MYH7B: variants seen among roughly 807,000 people sequenced by gnomAD.
The protein encoded by MYH7B is myosin-7B.
In MYH7B, 205 loss-of-function variants were observed where a neutral mutation model predicts 234.5. The observed-to-expected ratio is 0.87, with a 90% CI of 0.78 to 0.98. The LOEUF (loss-of-function observed/expected upper bound fraction) is 0.98, where lower values mean the gene tolerates loss of function less well. MYH7B is among the 50% of genes least tolerant of loss of function. MYH7B has a pLI of 0.00. For synonymous variants in MYH7B, 1,193 were observed against 1,105.0 expected, an observed-to-expected ratio of 1.08 and a Z score of -1.58; for missense variants, 2,652 against 2,633.4, an observed-to-expected ratio of 1.01 and a Z score of -0.15.
intron 4 of MYH7B, 126 bp downstream of exon 4, chr20:34,977,806 T>A: frequency 6.7e-7 from 1 of 1,490,302 alleles, no homozygotes; most frequent in South Asian, 1.2e-5. Context: ...TGTTTGAGGG[T>A]GTGCATGTAT....
At chr20:34,983,238 TC>T (rs758436589) in intron 10 of MYH7B, among the ~76,000 whole-genome samples, 3 of 151,896 alleles carry the variant, frequency 2.0e-5, no homozygotes, top group African/African-American at 4.8e-5. Flanking sequence ...TTCTTGTTTT[TC>T]CCCTGTTTTC....
chr20:34,986,938 C>A (rs146544899), exon 15 of MYH7B: 1 of 1,614,088 alleles, frequency 6.2e-7, no homozygotes, highest in Non-Finnish European at 8.5e-7. Context: ...GCAGCCAGGG[C>A]GTCATCACCG....
At chr20:34,980,656 T>C (rs1396807027) in exon 8 of MYH7B, 2 of 1,614,178 alleles carry the variant, frequency 1.2e-6, no homozygotes, top group East Asian at 2.2e-5. Flanking sequence ...AGTGGCTGCT[T>C]ACAAGGGAAA....
At chr20:34,995,203 G>T in intron 27 of MYH7B, 133 bp from the exon 28 acceptor site, 1 of 850,426 alleles carries the variant, frequency 1.2e-6, no homozygotes, top group Non-Finnish European at 1.8e-6. Context: ...AGCGAGTCAA[G>T]ACATTCCTGA....
chr20:35,002,353 G>A, exon 45 of MYH7B: 1 of 737,846 alleles, frequency 1.4e-6, no homozygotes, highest in South Asian at 3.0e-5. Flanking sequence ...TTTTCTTTGG[G>A]GTTCAGGAGG....
chr20:34,980,537 C>A, intron 7 of MYH7B, 41 bp from the exon 8 acceptor site: 1 of 1,557,118 alleles, frequency 6.4e-7, no homozygotes, highest in South Asian at 1.1e-5. Context: ...GACTCCATCT[C>A]AAAAACAACA....
exon 39 of MYH7B, chr20:35,000,379 A>T: frequency 6.3e-7 from 1 of 1,599,514 alleles, no homozygotes; most frequent in Non-Finnish European, 8.5e-7. Context: ...CGGCTCAAGA[A>T]GAAGATGGAG....
At position 34,987,283 on chromosome 20, in the gene MYH7B, TGA is replaced by T. The variant is rs771172991; in HGVS notation, c.1147_1147+1del. 56 of 1,610,472 alleles carry T rather than the reference TGA, an allele frequency of 3.5e-5. No individual in the cohort carries two copies. The highest frequency in any genetic ancestry group is 2.2e-4 in the Middle Eastern group (1 of 4,462). ...AGGAGCAGGCGGAGGCCGATGGCAC[TGA>T]GAGTGAGGGGCCCTAACCTGGCCTT... On this transcript the variant is annotated frameshift_variant and splice_region_variant, in exon 16 of 45. Transcript: ENST00000262873. LOFTEE classifies it high-confidence loss of function.
chr20:34,979,443 G>A (rs761029583), exon 6 of MYH7B: 1 of 1,614,028 alleles, frequency 6.2e-7, no homozygotes, highest in South Asian at 1.1e-5. Context: ...GGAGGCCGAG[G>A]TCAAGTCGGA....
At position 34,998,918 on chromosome 20, in the gene MYH7B, G is replaced by C. The variant is rs778961112; in HGVS notation, c.4190+3G>C. 6.2e-7 allele frequency: 1 copy of C among 1,610,796 alleles called. No homozygotes were observed. The highest frequency in any genetic ancestry group is 8.5e-7 in the Non-Finnish European group (1 of 1,178,412). On this transcript the variant is annotated splice_donor_region_variant and intron_variant, in intron 35 of 44. Transcript: ENST00000262873. ...ACCGAGGAGCTGGAGGAGGCCAAGT[G>C]AGTGCTTTGCTGGCCAGGCCACTGC...
intron 10 of MYH7B, among the ~76,000 whole-genome samples, chr20:34,983,084 A>T (rs986377482): frequency 6.6e-6 from 1 of 152,066 alleles, no homozygotes; most frequent in Non-Finnish European, 1.5e-5. Flanking sequence ...AAGGCATAAC[A>T]TTTCATCCCT....
intron 38 of MYH7B, 29 bp from the exon 39 acceptor site, chr20:35,000,264 C>T (rs764226177): frequency 6.5e-7 from 1 of 1,541,948 alleles, no homozygotes; most frequent in Admixed American, 1.9e-5. Flanking sequence ...CCTTACGAGA[C>T]CCCCTTTCAT....
chr20:34,991,262 G>A, intron 24 of MYH7B, 141 bp downstream of exon 24: 1 of 629,160 alleles, frequency 1.6e-6, no homozygotes, highest in South Asian at 2.1e-5. Flanking sequence ...AGGTATCCCA[G>A]CAAGACATGG....
At chr20:34,984,917 A>C (rs2081992876) in exon 12 of MYH7B, 18 of 1,613,984 alleles carry the variant, frequency 1.1e-5, no homozygotes, top group Non-Finnish European at 1.4e-5. Context: ...CAACGCCAAG[A>C]CCCTGAGGAA....
chr20:34,981,433 C>G, intron 9 of MYH7B: 1 of 250,486 alleles, frequency 4.0e-6, no homozygotes, highest in South Asian at 5.6e-5. Flanking sequence ...CTGAATCTTA[C>G]CTCTGATCTT....
At chr20:34,999,485 G>A (rs2082327296) in intron 36 of MYH7B, 80 bp downstream of exon 36, 2 of 1,525,268 alleles carry the variant, frequency 1.3e-6, no homozygotes, top group Admixed American at 4.3e-5. Flanking sequence ...CCCTGGTGGG[G>A]CCACCCTGGA....
At chr20:34,999,108 A>G (rs1390403158) in exon 36 of MYH7B, 6 of 1,613,390 alleles carry the variant, frequency 3.7e-6, no homozygotes, top group Non-Finnish European at 5.1e-6. Context: ...GGAGGCTGCC[A>G]ACGCCAAGTG....
At chr20:34,955,891 A>T (rs34293667) in exon 1 of MYH7B, 134 of 152,496 alleles carry the variant, frequency 8.8e-4, no homozygotes, top group African/African-American at 3.1e-3. Flanking sequence ...AGTCGAGGCC[A>T]GGAAGGGGCG....
In MYH7B at chr20:34,998,439, C is replaced by CT; in HGVS notation, c.3874+19dup. 2.5e-6 allele frequency: 4 copies of CT among 1,612,658 alleles called. No individual in the cohort carries two copies. The highest frequency in any genetic ancestry group is 3.4e-6 in the Non-Finnish European group (4 of 1,179,916). ...GGAAAGCGGTGAGGCTGGGGCTCAG[C>CT]TGGCCACACCAGGCAGGGCTTTGGT... On this transcript the variant is annotated intron_variant, in intron 33 of 44. Transcript: ENST00000262873.
Sources: allele counts gnomAD v4.1 joint callset (sites outside exome capture counted in the v4.1 genomes callset), GRCh38; gene constraint gnomAD v4.1.1; transcripts MANE v1.5; gene names NCBI Gene and HGNC (gene_info 2026-07-23, HGNC 2026-07-21).